Variants in CA10 observed in about 807,000 individuals in gnomAD.
CA10 encodes carbonic anhydrase-related protein 10.
In CA10, 14 loss-of-function variants were observed where a neutral mutation model predicts 44.2. The observed-to-expected ratio is 0.32, with a 90% CI of 0.21 to 0.50. The LOEUF (loss-of-function observed/expected upper bound fraction) is 0.50. CA10 is among the 20% of genes least tolerant of loss of function. The pLI is 0.99. For missense variants in CA10, 350 were observed against 409.7 expected (o/e 0.85, Z 1.26); for synonymous variants, 159 against 141.6 (o/e 1.12, Z -0.87).
Position 52,038,557 on chromosome 17 carries a change from A to G in CA10, c.136+33762T>C, listed in dbSNP as rs190526909. Among the ~76,000 whole-genome samples, 157 of 152,326 alleles carry G rather than the reference A, an allele frequency of 1.0e-3. 2 individuals carry two copies. The highest frequency in any genetic ancestry group is 1.5e-4 in the Non-Finnish European group (10 of 68,008). Reference sequence around the variant, plus strand: ...AGACTTGGCATCCATTAACTGATCTAGTAAATGGCATCTGTACTGCTGAGG... The same window carrying G: ...AGACTTGGCATCCATTAACTGATCTGGTAAATGGCATCTGTACTGCTGAGG... On this transcript the variant is annotated intron_variant, in intron 2 of 8. Coordinates refer to ENST00000451037, the MANE Select transcript of CA10 (RefSeq NM_020178.5).
At chr17:52,116,580 G>A (rs1181495439) in intron 1 of CA10, among the ~76,000 whole-genome samples, 2 of 152,134 alleles carry the variant, frequency 1.3e-5, no homozygotes, top group African/African-American at 2.4e-5. Context: ...AAAGATGGAA[G>A]AAGGAAAAAG....
At chr17:51,849,233 G>GTATATATATA (rs1217693250) in intron 3 of CA10, among the ~76,000 whole-genome samples, 583 of 39,598 alleles carry the variant, frequency 0.015, 5 homozygotes, top group South Asian at 0.028. Flanking sequence ...ATATGTGTGT[G>GTATATATATA]TATATATATA....
At chr17:51,762,841 A>T (rs1282747364) in intron 3 of CA10, 1 of 152,220 alleles carries the variant, frequency 6.6e-6, no homozygotes, top group Non-Finnish European at 1.5e-5. Context: ...ATCATGTTTT[A>T]AAAAGACACT....
At chr17:51,820,703 T>C (rs1266694690) in intron 3 of CA10, among the ~76,000 whole-genome samples, 1 of 152,070 alleles carries the variant, frequency 6.6e-6, no homozygotes, top group Non-Finnish European at 1.5e-5. Flanking sequence ...CCTTTGGCAA[T>C]TGGCTCTAGA....
chr17:52,077,165 T>A (rs1987838429), intron 1 of CA10, among the ~76,000 whole-genome samples: 1 of 152,218 alleles, frequency 6.6e-6, no homozygotes, highest in Admixed American at 6.5e-5. Context: ...CTCCAATGGC[T>A]TCTTATACAA....
chr17:51,748,150 G>C (rs75704895), intron 3 of CA10, among the ~76,000 whole-genome samples: 1 of 152,342 alleles, frequency 6.6e-6, no homozygotes, highest in East Asian at 1.9e-4. Context: ...GAAAGATACT[G>C]CAAGAGTTCT....
At chr17:51,976,113 A>G (rs543509948) in intron 2 of CA10, among the ~76,000 whole-genome samples, 4 of 152,302 alleles carry the variant, frequency 2.6e-5, no homozygotes, top group Non-Finnish European at 5.9e-5. Flanking sequence ...TCAAGAAGAC[A>G]TAAATCTTAA....
intron 3 of CA10, among the ~76,000 whole-genome samples, chr17:51,871,647 A>C (rs1979821636): frequency 6.6e-6 from 1 of 151,494 alleles, no homozygotes; most frequent in South Asian, 2.1e-4. Flanking sequence ...AGCCTCCCAA[A>C]GTGCTGGGAT....
At chr17:52,028,584 A>T (rs1413292166) in intron 2 of CA10, among the ~76,000 whole-genome samples, 2 of 152,158 alleles carry the variant, frequency 1.3e-5, no homozygotes, top group East Asian at 3.9e-4. Context: ...TCCCAAAAGA[A>T]GATTCTACCA....
intron 6 of CA10, among the ~76,000 whole-genome samples, chr17:51,647,254 T>G (rs1226219714): frequency 6.6e-6 from 1 of 152,188 alleles, no homozygotes; most frequent in African/African-American, 2.4e-5. Flanking sequence ...ATCCTTCTAT[T>G]CACCCAGGCC....
At chr17:52,063,471 T>C (rs1443725008) in intron 2 of CA10, among the ~76,000 whole-genome samples, 1 of 152,194 alleles carries the variant, frequency 6.6e-6, no homozygotes, top group African/African-American at 2.4e-5. Flanking sequence ...ATTCGCAATG[T>C]TGCAGGTGGG....
chr17:51,841,565 G>A (rs1351170438), intron 3 of CA10, among the ~76,000 whole-genome samples: 2 of 152,194 alleles, frequency 1.3e-5, no homozygotes, highest in Non-Finnish European at 2.9e-5. Context: ...TATGTACAAG[G>A]TTTCAAGAGA....
At chr17:51,790,468 T>G (rs1598046575) in intron 3 of CA10, among the ~76,000 whole-genome samples, 1 of 152,366 alleles carries the variant, frequency 6.6e-6, no homozygotes, top group East Asian at 1.9e-4. Flanking sequence ...CCTCCTGACC[T>G]GTCACTTTCC....
intron 2 of CA10, among the ~76,000 whole-genome samples, chr17:52,060,033 C>T (rs1278183094): frequency 6.6e-6 from 1 of 152,138 alleles, no homozygotes; most frequent in Non-Finnish European, 1.5e-5. Context: ...GTTGAATCTT[C>T]CACATTTACT....
intron 3 of CA10, among the ~76,000 whole-genome samples, chr17:51,834,083 C>T (rs577499344): frequency 2.0e-5 from 3 of 152,262 alleles, no homozygotes; most frequent in South Asian, 4.1e-4. Context: ...AAAATTAAAG[C>T]ACTTCAGAGA....
chr17:51,758,086 G>T (rs1275558990), intron 3 of CA10, among the ~76,000 whole-genome samples: 3 of 151,980 alleles, frequency 2.0e-5, no homozygotes, highest in Admixed American at 6.6e-5. Context: ...GAAAATAGTG[G>T]GTTTTTTTCC....
intron 4 of CA10, among the ~76,000 whole-genome samples, chr17:51,719,666 T>A (rs1414144808): frequency 6.6e-6 from 1 of 152,076 alleles, no homozygotes; most frequent in African/African-American, 2.4e-5. Flanking sequence ...GTGGGAGAAT[T>A]ACTTGAGGCC....
intron 3 of CA10, among the ~76,000 whole-genome samples, chr17:51,843,475 G>A (rs1176156646): frequency 1.3e-5 from 2 of 152,156 alleles, no homozygotes; most frequent in East Asian, 3.9e-4. Flanking sequence ...CTGCTACAGG[G>A]CAGGTTAAAA....
At chr17:51,776,220 G>A (rs1341021672) in intron 3 of CA10, among the ~76,000 whole-genome samples, 1 of 152,152 alleles carries the variant, frequency 6.6e-6, no homozygotes. Flanking sequence ...ATTTAGCTGG[G>A]CATAGTGGTG....
Sources: gnomAD v4.1 joint callset for allele counts (sites outside exome capture counted in the v4.1 genomes callset) on GRCh38, gnomAD v4.1.1 for gene constraint, MANE v1.5 for transcripts, NCBI Gene and HGNC (gene_info 2026-07-23, HGNC 2026-07-21) for gene names.